The following ZNF407 variants were observed in gnomAD, a reference collection of about 807,000 sequenced individuals.
ZNF407 encodes the protein zinc finger protein 407.
In ZNF407, 17 loss-of-function variants were observed where a neutral mutation model predicts 131.2. That is an observed-to-expected ratio of 0.13 (90% confidence interval 0.09 to 0.19). The LOEUF is 0.19. Among genes scored for constraint, ZNF407 ranks in the 10% least tolerant of loss-of-function variants. The pLI is 1.00. For missense variants in ZNF407, 2,681 were observed against 2,830.6 expected, an observed-to-expected ratio of 0.95 and a Z score of 1.20; for synonymous variants, 1,156 against 1,062.0, an observed-to-expected ratio of 1.09 and a Z score of -1.72.
chr18:74,824,954 C>T (rs898811234), intron 4 of ZNF407, among the ~76,000 whole-genome samples: 11 of 152,136 alleles, frequency 7.2e-5, no homozygotes, highest in African/African-American at 2.7e-4. Context: ...TCGATGGGAA[C>T]ATCCTCAAGA....
rs536987072 is a variant in ZNF407 at position 74,826,103 on chromosome 18, C to T, written c.4877+44601C>T. Among the ~76,000 whole-genome samples the T allele has an allele frequency of 7.9e-5, 12 of 152,230 alleles. No individual in the cohort carries two copies. In the South Asian group the frequency reaches 1.7e-3, roughly 21 times the overall value. ...TCCATGAGTTTTTATTATTAGGTTA[C>T]TTTACTTTTGTAGAACTTTCAAAAA... On this transcript the variant is annotated intron_variant, in intron 4 of 8. Transcript: ENST00000299687.
At chr18:74,725,541 C>A (rs780276284) in intron 3 of ZNF407, among the ~76,000 whole-genome samples, 21 of 152,094 alleles carry the variant, frequency 1.4e-4, no homozygotes, top group Admixed American at 2.6e-4. Context: ...TGTGTTACAT[C>A]TTGTCATCTG....
chr18:75,059,879 T>C (rs936682722), intron 8 of ZNF407, among the ~76,000 whole-genome samples: 1 of 152,316 alleles, frequency 6.6e-6, no homozygotes, highest in African/African-American at 2.4e-5. Context: ...TCAGCTCAGC[T>C]TTTAAACTCT....
Position 74,631,152 on chromosome 18 carries a change from G to A in ZNF407, c.133G>A (p.Glu45Lys). The change falls in exon 2 of 9, where the codon GAG becomes AAG. Residue 45 changes from glutamate to lysine, a missense_variant. Coordinates refer to ENST00000299687, the MANE Select transcript of ZNF407 (RefSeq NM_017757.3). ...ATCTGATGTGATAGCAAGTTTCCCT[G>A]AGAATTCTATGGGCAAAAGAGGTTT... ...PVSDVIASFP[E>K]NSMGKRGFSE... is the part of the protein sequence containing the mutation. The A allele has an allele frequency of 6.2e-7, 1 of 1,613,964 alleles. No homozygotes were observed. Among genetic ancestry groups the A allele is most frequent in the East Asian group, 2.2e-5 (1 of 44,880 alleles).
At chr18:74,638,111 G>A (rs901058844) in intron 2 of ZNF407, among the ~76,000 whole-genome samples, 1 of 152,216 alleles carries the variant, frequency 6.6e-6, no homozygotes, top group African/African-American at 2.4e-5. Context: ...TATGTTTAGA[G>A]TGCTCTGGTC....
chr18:74,874,444 G>A (rs1314643569), intron 4 of ZNF407, among the ~76,000 whole-genome samples: 2 of 152,184 alleles, frequency 1.3e-5, no homozygotes, highest in African/African-American at 4.8e-5. Context: ...CTAGCCTAGG[G>A]TAAGCCACAG....
intron 8 of ZNF407, among the ~76,000 whole-genome samples, chr18:74,974,192 A>T (rs1465709848): frequency 6.6e-6 from 1 of 152,158 alleles, no homozygotes; most frequent in Admixed American, 6.6e-5. Flanking sequence ...TATCCTTCGA[A>T]GTAGACGATT....
intron 8 of ZNF407, among the ~76,000 whole-genome samples, chr18:75,029,107 T>C (rs62089933): frequency 3.1e-3 from 467 of 152,218 alleles, no homozygotes; most frequent in Non-Finnish European, 4.9e-3. Context: ...GCACATAATA[T>C]AGGGTTTCTT....
At chr18:74,670,032 A>G (rs1349217045) in intron 3 of ZNF407, among the ~76,000 whole-genome samples, 1 of 152,142 alleles carries the variant, frequency 6.6e-6, no homozygotes, top group Non-Finnish European at 1.5e-5. Context: ...CTAATTTCTG[A>G]TGTTCTCTGT....
chr18:74,692,066 C>T (rs149691001), intron 3 of ZNF407, among the ~76,000 whole-genome samples: 190 of 152,128 alleles, frequency 1.2e-3, no homozygotes, highest in African/African-American at 4.4e-3. Flanking sequence ...TGCACTCCAT[C>T]CTGGGTAACA....
chr18:74,782,604 G>GTTCTCCCCT (rs1346289446), intron 4 of ZNF407, among the ~76,000 whole-genome samples: 3 of 148,838 alleles, frequency 2.0e-5, no homozygotes, highest in African/African-American at 5.0e-5. Context: ...TGTTCTCCCC[G>GTTCTCCCCT]TTCTCCCCTT....
intron 3 of ZNF407, among the ~76,000 whole-genome samples, chr18:74,645,671 GT>G (rs1383147290): frequency 8.6e-5 from 13 of 151,082 alleles, no homozygotes; most frequent in Non-Finnish European, 1.6e-4. Context: ...GTGTGTGTGT[GT>G]GTGGCATTAC....
intron 3 of ZNF407, among the ~76,000 whole-genome samples, chr18:74,672,483 TTGTC>T (rs1252362800): frequency 1.3e-5 from 1 of 78,066 alleles, no homozygotes; most frequent in African/African-American, 3.5e-5. Context: ...GGAGCACCGT[TTGTC>T]TGTTCGTTGG....
intron 4 of ZNF407, among the ~76,000 whole-genome samples, chr18:74,842,303 A>G (rs774789152): frequency 6.6e-6 from 1 of 152,160 alleles, no homozygotes; most frequent in Non-Finnish European, 1.5e-5. Context: ...TGGCCCATAA[A>G]TTTACAGCCT....
At chr18:74,870,741 T>C (rs1451817177) in intron 4 of ZNF407, among the ~76,000 whole-genome samples, 1 of 152,218 alleles carries the variant, frequency 6.6e-6, no homozygotes, top group African/African-American at 2.4e-5. Flanking sequence ...TTATCACAGT[T>C]ACTGTTATTT....
At chr18:74,875,887 A>G (rs963702429) in intron 4 of ZNF407, among the ~76,000 whole-genome samples, 2 of 152,166 alleles carry the variant, frequency 1.3e-5, no homozygotes. Context: ...TATTACATTT[A>G]AGATCTACCT....
intron 4 of ZNF407, among the ~76,000 whole-genome samples, chr18:74,818,202 C>T (rs1367997182): frequency 6.6e-6 from 1 of 152,144 alleles, no homozygotes; most frequent in African/African-American, 2.4e-5. Context: ...GTGTTAGTAG[C>T]AGGAGTCATA....
At chr18:74,900,869 G>A (rs1435634848) in intron 7 of ZNF407, among the ~76,000 whole-genome samples, 3 of 152,136 alleles carry the variant, frequency 2.0e-5, no homozygotes, top group African/African-American at 7.2e-5. Flanking sequence ...GTTCTTATGT[G>A]CTAAAATTTC....
At chr18:74,984,377 C>G (rs989665913) in intron 8 of ZNF407, among the ~76,000 whole-genome samples, 7 of 152,122 alleles carry the variant, frequency 4.6e-5, no homozygotes, top group East Asian at 1.9e-4. Context: ...AAAAACTATT[C>G]TAAAATTTAA....
Sources: gnomAD v4.1 joint callset for allele counts (sites outside exome capture counted in the v4.1 genomes callset) on GRCh38, gnomAD v4.1.1 for gene constraint, MANE v1.5 for transcripts, NCBI Gene and HGNC (gene_info 2026-07-23, HGNC 2026-07-21) for gene names.